Variants in ENOX1 observed in about 807,000 individuals in gnomAD.
ENOX1 encodes the protein candidate growth-related and time keeping constitutive hydroquinone (NADH) oxidase.
ENOX1 carries 42 observed loss-of-function variants against 82.5 expected under a neutral mutation model. The ratio of observed to expected loss-of-function variants is 0.51; its 90% CI spans 0.40 to 0.66. The LOEUF (loss-of-function observed/expected upper bound fraction) is 0.66. Among genes scored for constraint, ENOX1 ranks in the 30% least tolerant of loss-of-function variants. ENOX1 has a pLI of 0.00. For synonymous variants in ENOX1, 271 were observed against 282.2 expected (o/e 0.96, Z 0.40); for missense variants, 608 against 811.6 (o/e 0.75, Z 3.05).
intron 16 of ENOX1, among the ~76,000 whole-genome samples, chr13:43,218,366 C>T (rs1485317519): frequency 6.6e-6 from 1 of 152,214 alleles, no homozygotes; most frequent in Non-Finnish European, 1.5e-5. Flanking sequence ...GTGGCTCACA[C>T]TTATAATCCC....
chr13:43,412,823 T>C, intron 4 of ENOX1, 22 bp downstream of exon 4: 1 of 1,613,342 alleles, frequency 6.2e-7, no homozygotes, highest in African/African-American at 1.3e-5. Context: ...GTTTGTGTCC[T>C]GTGCTGGCCA....
chr13:43,674,594 G>A (rs1163535711), intron 1 of ENOX1, among the ~76,000 whole-genome samples: 1 of 151,984 alleles, frequency 6.6e-6, no homozygotes, highest in Non-Finnish European at 1.5e-5. Flanking sequence ...GGAAGGGAGG[G>A]AGGAATAGGC....
chr13:43,749,598 C>A (rs1011078796), intron 1 of ENOX1, among the ~76,000 whole-genome samples: 1 of 152,182 alleles, frequency 6.6e-6, no homozygotes, highest in African/African-American at 2.4e-5. Context: ...CAGCTTTGCT[C>A]CTCACGGGCA....
chr13:43,476,804 G>A (rs1166088011), intron 3 of ENOX1, among the ~76,000 whole-genome samples: 1 of 152,188 alleles, frequency 6.6e-6, no homozygotes, highest in Non-Finnish European at 1.5e-5. Context: ...GTAGCAGAAT[G>A]TACGGAACAG....
chr13:43,588,468 C>A (rs1375774414), intron 2 of ENOX1, among the ~76,000 whole-genome samples: 3 of 152,052 alleles, frequency 2.0e-5, no homozygotes, highest in African/African-American at 4.8e-5. Context: ...ATCCATATAA[C>A]CCTTAAAAAA....
intron 1 of ENOX1, among the ~76,000 whole-genome samples, chr13:43,678,966 A>T (rs1423213726): frequency 6.6e-6 from 1 of 152,130 alleles, no homozygotes; most frequent in African/African-American, 2.4e-5. Flanking sequence ...TGGTCTAGAG[A>T]TAGGTTGTTA....
chr13:43,777,805 TC>T (rs1206581680), intron 1 of ENOX1, among the ~76,000 whole-genome samples: 2 of 152,138 alleles, frequency 1.3e-5, no homozygotes, highest in Non-Finnish European at 2.9e-5. Context: ...CCCCTTGGCC[TC>T]CCAAAGTCTG....
At chr13:43,394,954 G>C (rs1482588162) in intron 5 of ENOX1, 1 of 152,234 alleles carries the variant, frequency 6.6e-6, no homozygotes, top group Non-Finnish European at 1.5e-5. Context: ...ATTGGTGTTG[G>C]CTCCTTGGAG....
At chr13:43,470,379 T>C (rs375307188) in intron 3 of ENOX1, among the ~76,000 whole-genome samples, 1,369 of 69,896 alleles carry the variant, frequency 0.02, 79 homozygotes, top group Non-Finnish European at 0.028. Flanking sequence ...TATATATACA[T>C]ATATATACGT....
At chr13:43,294,731 A>G (rs1230503197) in intron 12 of ENOX1, among the ~76,000 whole-genome samples, 1 of 152,224 alleles carries the variant, frequency 6.6e-6, no homozygotes, top group Admixed American at 6.5e-5. Flanking sequence ...CTATCCATCC[A>G]CTAACTATTG....
chr13:43,402,020 C>T (rs1291050008), intron 5 of ENOX1, among the ~76,000 whole-genome samples: 1 of 151,936 alleles, frequency 6.6e-6, no homozygotes, highest in Non-Finnish European at 1.5e-5. Flanking sequence ...AATTAGTAGG[C>T]ATGCAAAGAA....
At chr13:43,719,348 C>CACACACACACACACACACACACA (rs2088400320) in intron 1 of ENOX1, among the ~76,000 whole-genome samples, 1 of 149,374 alleles carries the variant, frequency 6.7e-6, no homozygotes, top group African/African-American at 2.5e-5. Flanking sequence ...CACACACACA[C>CACACACACACACACACACACACA]CAGCAATCGC....
At chr13:43,454,166 A>C (rs2057110192) in intron 3 of ENOX1, among the ~76,000 whole-genome samples, 1 of 152,184 alleles carries the variant, frequency 6.6e-6, no homozygotes, top group African/African-American at 2.4e-5. Context: ...TAGTTTAAAA[A>C]GGTGAATAGT....
At chr13:43,241,018 G>A (rs2042799828) in intron 14 of ENOX1, among the ~76,000 whole-genome samples, 1 of 152,084 alleles carries the variant, frequency 6.6e-6, no homozygotes, top group South Asian at 2.1e-4. Flanking sequence ...GAGTAGACTG[G>A]TGAAGCCAAA....
In ENOX1 at chr13:43,269,579, T is replaced by G; in HGVS notation, c.1447-2A>C. The G allele has an allele frequency of 6.2e-7, 1 of 1,611,292 alleles. No individual in the cohort carries two copies. Among genetic ancestry groups the G allele is most frequent in the Middle Eastern group, 1.7e-4 (1 of 6,048 alleles). On this transcript the variant is annotated splice_acceptor_variant, in intron 12 of 16. Coordinates refer to ENST00000690772, the MANE Select transcript of ENOX1 (RefSeq NM_001347969.2). LOFTEE classifies it high-confidence loss of function. Reference sequence around the variant, plus strand: ...CTCCTCCTGGATGGTTAGCAATTGCTGTGAAATTAAAGGATATTTAGCATA... The same window carrying G: ...CTCCTCCTGGATGGTTAGCAATTGCGGTGAAATTAAAGGATATTTAGCATA...
chr13:43,387,947 A>G (rs1396877297), intron 5 of ENOX1, among the ~76,000 whole-genome samples: 1 of 152,168 alleles, frequency 6.6e-6, no homozygotes, highest in Non-Finnish European at 1.5e-5. Context: ...GAAGTACTTC[A>G]GACTGCTCAG....
intron 3 of ENOX1, among the ~76,000 whole-genome samples, chr13:43,428,077 C>G (rs1253909544): frequency 6.6e-6 from 1 of 152,170 alleles, no homozygotes; most frequent in Non-Finnish European, 1.5e-5. Context: ...ATTTGTTGCA[C>G]CTTTACATGG....
At chr13:43,540,887 C>T (rs1218842824) in intron 2 of ENOX1, among the ~76,000 whole-genome samples, 2 of 152,008 alleles carry the variant, frequency 1.3e-5, no homozygotes, top group Non-Finnish European at 2.9e-5. Context: ...CTTTGAGATG[C>T]CTCTGAGGGT....
intron 2 of ENOX1, among the ~76,000 whole-genome samples, chr13:43,644,682 T>C (rs1401445058): frequency 2.0e-5 from 3 of 152,230 alleles, no homozygotes; most frequent in South Asian, 2.1e-4. Context: ...TCCTATTATG[T>C]AGTAATCATT....
Sources: gnomAD v4.1 joint callset for allele counts (sites outside exome capture counted in the v4.1 genomes callset) on GRCh38, gnomAD v4.1.1 for gene constraint, MANE v1.5 for transcripts, NCBI Gene and HGNC (gene_info 2026-07-23, HGNC 2026-07-21) for gene names.